TRIM17: variants seen among roughly 807,000 people sequenced by gnomAD.
The protein encoded by TRIM17 is tripartite motif containing 17.
TRIM17 carries 27 observed loss-of-function variants against 35.8 expected under a neutral mutation model. The ratio of observed to expected loss-of-function variants is 0.75; its 90% CI spans 0.56 to 1.04. The LOEUF (loss-of-function observed/expected upper bound fraction) is 1.04, where lower values mean the gene tolerates loss of function less well. Among genes scored for constraint, TRIM17 ranks in the 50% least tolerant of loss-of-function variants. TRIM17 has a pLI of 0.00. For missense variants in TRIM17, 582 were observed against 612.8 expected, an observed-to-expected ratio of 0.95 and a Z score of 0.53; for synonymous variants, 246 against 252.6, an observed-to-expected ratio of 0.97 and a Z score of 0.25.
rs750624865 is a variant in TRIM17 at position 228,415,016 on chromosome 1, A to C, written c.57T>G (p.Cys19Trp). 1 of 1,612,046 alleles carries C rather than the reference A, an allele frequency of 6.2e-7. No homozygotes were observed. Among genetic ancestry groups the C allele is most frequent in the Admixed American group, 1.7e-5 (1 of 60,020 alleles). Residue 19 changes from cysteine (C) to tryptophan (W), a missense_variant, in exon 2 of 7, where the codon TGT (cysteine) becomes TGG (tryptophan). Physicochemically the swap from Cys to Trp is radical, Grantham distance 215. Transcript: ENST00000366698. ...TCACAGGGTCTGTGAAGTAATCCAG[A>C]CAGATGGAGCACGTAGCTTCCTCCT... ...KLQEEATCSI[C>W]LDYFTDPVMT... is the part of the protein sequence containing the mutation.
rs1656978893 is a variant in TRIM17 at position 228,414,639 on chromosome 1, C to G, written c.429+5G>C. Reference sequence around the variant, plus strand: ...CCCCTTGACCTGGGCCCCGATGTGGCCTACCTTGTACCCCTGCACTGCCTC... The same window carrying G: ...CCCCTTGACCTGGGCCCCGATGTGGGCTACCTTGTACCCCTGCACTGCCTC... On this transcript the variant is annotated splice_donor_5th_base_variant and intron_variant, in intron 2 of 6. Coordinates refer to ENST00000366698, the MANE Select transcript of TRIM17 (RefSeq NM_016102.4). 6.2e-7 allele frequency: 1 copy of G among 1,609,940 alleles called. No homozygotes were observed. The highest frequency in any genetic ancestry group is 1.3e-5 in the African/African-American group (1 of 74,848).
chr1:228,408,363 G>A lies in TRIM17; in HGVS notation c.1272C>T (p.Phe424=), dbSNP rs148358732. 5.0e-6 allele frequency: 8 copies of A among 1,614,118 alleles called. No homozygotes were observed. Among genetic ancestry groups the A allele is most frequent in the East Asian group, 2.2e-5 (1 of 44,868 alleles). The change falls in exon 7 of 7, where the codon TTC becomes TTT. Residue 424 remains phenylalanine, a synonymous_variant. Transcript: ENST00000366698. This position sits in a 1 kb window ranked among gnomAD's most constrained non-coding sequence, Gnocchi z 6.3. ...TGTAGAAGGACACTTCCCCGGCTTCGAAGTCCAGGAAGATGCCCATGTGGC... is the reference window on the plus strand; with the variant it reads ...TGTAGAAGGACACTTCCCCGGCTTCAAAGTCCAGGAAGATGCCCATGTGGC... ...PPSHMGIFLD[F]EAGEVSFYSV... is the part of the protein sequence containing the mutation.
chr1:228,409,066 G>C, intron 6 of TRIM17, 106 bp downstream of exon 6: 1 of 1,613,396 alleles, frequency 6.2e-7, no homozygotes, highest in Non-Finnish European at 8.5e-7. Context: ...ACCAGGCAGT[G>C]CACTTGTAGA....
chr1:228,414,040 A>G, intron 2 of TRIM17, 148 bp from the exon 3 acceptor site: 1 of 659,120 alleles, frequency 1.5e-6, no homozygotes, highest in East Asian at 2.7e-5. Flanking sequence ...AGAATGTGCC[A>G]CCTTGGATTA....
rs986994727 is a variant in TRIM17 at position 228,416,549 on chromosome 1, G to A, written c.-52C>T. 7 of 985,650 alleles carry A rather than the reference G, an allele frequency of 7.1e-6. No individual in the cohort carries two copies. Among genetic ancestry groups the A allele is most frequent in the Admixed American group, 1.2e-4 (2 of 16,258 alleles). The allele number at this position is 985,650 out of a possible 1,614,324, so 61.1% of individuals were successfully genotyped here. A position where few individuals can be genotyped will look rare whatever the true frequency, so the allele number is the denominator to read the frequency against. On this transcript the variant is annotated 5_prime_UTR_variant, in exon 1 of 7. Transcript: ENST00000366698. Reference sequence around the variant, plus strand: ...GTGGGGGCTACTCACCGCGGGGAAGGGGGGCCCGCACAGCGCCTAGTGCAC... The same window carrying A: ...GTGGGGGCTACTCACCGCGGGGAAGAGGGGCCCGCACAGCGCCTAGTGCAC...
In TRIM17 at chr1:228,413,780, C is replaced by T. The variant is rs375632227; in HGVS notation, c.525+17G>A. 2 of 1,605,584 alleles carry T rather than the reference C, an allele frequency of 1.2e-6. No homozygotes were observed. Among genetic ancestry groups the T allele is most frequent in the Non-Finnish European group, 1.7e-6 (2 of 1,172,430 alleles). ...GAGCAGCAGCAGGAAAGGGACTGGA[C>T]AGCCCTGGGCACCCACCTGCCACTC... On this transcript the variant is annotated intron_variant, in intron 3 of 6. Transcript: ENST00000366698.
chr1:228,415,084 G>T lies in TRIM17; in HGVS notation c.-12C>A, dbSNP rs760488272. 3 of 1,593,278 alleles carry T rather than the reference G, an allele frequency of 1.9e-6. No individual in the cohort carries two copies. Among genetic ancestry groups the T allele is most frequent in the Non-Finnish European group, 1.7e-6 (2 of 1,166,802 alleles). On this transcript the variant is annotated 5_prime_UTR_variant, in exon 2 of 7. Coordinates refer to ENST00000366698, the MANE Select transcript of TRIM17 (RefSeq NM_016102.4). ...TCCACAGCCTCCATGGCTCCTGGGA[G>T]ACACGAGGCAGGTTCCCGCTTGAGG... is the stretch of plus-strand genomic sequence containing the variant.
Position 228,408,460 on chromosome 1 carries a change from T to C in TRIM17, c.1175A>G (p.Gln392Arg), listed in dbSNP as rs781390764. The change falls in exon 7 of 7, where the codon CAG becomes CGG. Residue 392 changes from glutamine (Q) to arginine (R), a missense_variant. Physicochemically the swap from Gln to Arg is conservative, Grantham distance 43. Coordinates refer to ENST00000366698, the MANE Select transcript of TRIM17 (RefSeq NM_016102.4). This position sits in a 1 kb window ranked among gnomAD's most constrained non-coding sequence, Gnocchi z 6.3. ...TAAGTACTTGGTCCCCTTGGACAGC[T>C]GCACCACCCAGAAGCCGTTTTCGGG... ...KCPENGFWVVQLSKGTKYLST... is the reference protein window; with the variant it reads ...KCPENGFWVVRLSKGTKYLST... The C allele has an allele frequency of 6.2e-7, 1 of 1,614,196 alleles. No homozygotes were observed. Among genetic ancestry groups the C allele is most frequent in the East Asian group, 2.2e-5 (1 of 44,886 alleles).
Position 228,408,716 on chromosome 1 carries a change from AGG to A in TRIM17, c.917_918del (p.Pro306LeufsTer6), listed in dbSNP as rs1363862214. The A allele has an allele frequency of 1.9e-6, 3 of 1,605,048 alleles. No homozygotes were observed. In the Admixed American group the frequency reaches 5.0e-5, roughly 27 times the overall value. On this transcript the variant is annotated frameshift_variant, in exon 7 of 7. Coordinates refer to ENST00000366698, the MANE Select transcript of TRIM17 (RefSeq NM_016102.4). LOFTEE classifies it low-confidence loss of function (END_TRUNC). The surrounding 1 kb of genome is among the most constrained non-coding windows in gnomAD (Gnocchi z 6.3). ...DVVPDATSAY[P>X]YLLLYESRQR... Reference sequence around the variant, plus strand: ...TGGCGGCTCTCATACAGGAGGAGGTAGGGGTACGCGGAGGTGGCATCAGGCAC... The same window carrying A: ...TGGCGGCTCTCATACAGGAGGAGGTAGGTACGCGGAGGTGGCATCAGGCAC...
At chr1:228,413,699 C>A in intron 3 of TRIM17, 98 bp downstream of exon 3, 2 of 973,302 alleles carry the variant, frequency 2.1e-6, no homozygotes, top group South Asian at 1.5e-5. Context: ...TCTTTTCCTG[C>A]CACTGCGGCA....
Position 228,416,784 on chromosome 1 carries a change from G to C in TRIM17, c.-287C>G, listed in dbSNP as rs959119785. 328 of 984,470 alleles carry C rather than the reference G, an allele frequency of 3.3e-4. No individual in the cohort carries two copies. The highest frequency in any genetic ancestry group is 3.7e-4 in the Non-Finnish European group (304 of 829,484). 61.0% of individuals were successfully genotyped at this position (984,470 alleles called of 1,614,324 possible). On this transcript the variant is annotated 5_prime_UTR_variant, in exon 1 of 7. Coordinates refer to ENST00000366698, the MANE Select transcript of TRIM17 (RefSeq NM_016102.4). The stretch of plus-strand genomic sequence containing the variant: ...GGGCGGCGCCTCTTAGGAGAGGTTG[G>C]GGGTGGCTTGGGGAAGGAAGGCGGC...
In TRIM17 at chr1:228,408,405, C is replaced by T. The variant is rs1295876411; in HGVS notation, c.1230G>A (p.Met410Ile). The T allele has an allele frequency of 1.2e-6, 2 of 1,614,090 alleles. No individual in the cohort carries two copies. The highest frequency in any genetic ancestry group is 8.5e-7 in the Non-Finnish European group (1 of 1,180,032). ...LSTFSALTPV[M>I]LMEPPSHMGI... is the part of the protein sequence containing the mutation. ...CCATGTGGCTGGGAGGCTCCATCAGCATGACCGGGGTTAGGGCAGAGAAGG... is the reference window on the plus strand; with the variant it reads ...CCATGTGGCTGGGAGGCTCCATCAGTATGACCGGGGTTAGGGCAGAGAAGG... The change falls in exon 7 of 7, where the codon ATG (methionine) becomes ATA (isoleucine). Residue 410 changes from methionine to isoleucine, a missense_variant. Met to Ile is a conservative substitution (Grantham distance 10). Coordinates refer to ENST00000366698, the MANE Select transcript of TRIM17 (RefSeq NM_016102.4). This position sits in a 1 kb window ranked among gnomAD's most constrained non-coding sequence, Gnocchi z 6.3.
chr1:228,415,041 T>C lies in TRIM17; in HGVS notation c.32A>G (p.Gln11Arg). Residue 11 changes from glutamine (Q) to arginine (R), a missense_variant, in exon 2 of 7, where the codon CAG (glutamine) becomes CGG (arginine). Gln to Arg is a conservative substitution (Grantham distance 43). Coordinates refer to ENST00000366698, the MANE Select transcript of TRIM17 (RefSeq NM_016102.4). ...ACAGATGGAGCACGTAGCTTCCTCC[T>C]GCAGTTTTCTGGCGAGTTCCACAGC... The part of the protein sequence containing the change: MEAVELARKL[Q>R]EEATCSICLD... The C allele has an allele frequency of 6.2e-7, 1 of 1,607,144 alleles. No individual in the cohort carries two copies. Among genetic ancestry groups the C allele is most frequent in the Non-Finnish European group, 8.5e-7 (1 of 1,175,188 alleles).
In TRIM17 at chr1:228,414,653, C is replaced by T. The variant is rs1656980374; in HGVS notation, c.420G>A (p.Gln140=). 6 of 1,611,460 alleles carry T rather than the reference C, an allele frequency of 3.7e-6. No individual in the cohort carries two copies. Among genetic ancestry groups the T allele is most frequent in the Non-Finnish European group, 5.1e-6 (6 of 1,179,948 alleles). The change falls in exon 2 of 7, where the codon CAG becomes CAA. Residue 140 remains glutamine (Q), a synonymous_variant. Transcript: ENST00000366698. ...HRVLPAEEAV[Q]GYKLKLEEDM... is the part of the protein sequence containing the mutation. ...CCCCGATGTGGCCTACCTTGTACCCCTGCACTGCCTCCTCGGCGGGCAGCA... is the reference window on the plus strand; with the variant it reads ...CCCCGATGTGGCCTACCTTGTACCCTTGCACTGCCTCCTCGGCGGGCAGCA...
chr1:228,411,065 C>T lies in TRIM17; in HGVS notation c.637G>A (p.Glu213Lys). ...CTCTCCCGGAGCCTGCTGGCAGTCT[C>T]CTCTTCTTCCGTCTCCAGAGCCTGG... is the stretch of plus-strand genomic sequence containing the variant. ...LLQALETEEE[E>K]TASRLRESVA... Residue 213 changes from glutamate to lysine, a missense_variant, in exon 4 of 7, where the codon GAG becomes AAG. By Grantham distance (56) the Glu-to-Lys change is moderately conservative. Transcript: ENST00000366698. The surrounding 1 kb of genome is among the most constrained non-coding windows in gnomAD (Gnocchi z 4.2). The T allele has an allele frequency of 6.2e-7, 1 of 1,613,954 alleles. No homozygotes were observed. Among genetic ancestry groups the T allele is most frequent in the Non-Finnish European group, 8.5e-7 (1 of 1,180,022 alleles).
At chr1:228,409,305 T>C (rs747443166) in intron 5 of TRIM17, 30 bp from the exon 6 acceptor site, 5 of 1,611,580 alleles carry the variant, frequency 3.1e-6, no homozygotes, top group East Asian at 2.2e-5. Context: ...GGGAGTCTTA[T>C]TGACTCCCCT....
Position 228,416,796 on chromosome 1 carries a change from G to T in TRIM17, c.-299C>A. 1 of 984,718 alleles carries T rather than the reference G, an allele frequency of 1.0e-6. No homozygotes were observed. The highest frequency in any genetic ancestry group is 1.2e-6 in the Non-Finnish European group (1 of 829,618). The allele number at this position is 984,718 out of a possible 1,614,324, so 61.0% of individuals were successfully genotyped here. On this transcript the variant is annotated 5_prime_UTR_variant, in exon 1 of 7. Coordinates refer to ENST00000366698, the MANE Select transcript of TRIM17 (RefSeq NM_016102.4). ...TTAGGAGAGGTTGGGGGTGGCTTGGGGAAGGAAGGCGGCAGGGGGTGGAAG... is the reference window on the plus strand; with the variant it reads ...TTAGGAGAGGTTGGGGGTGGCTTGGTGAAGGAAGGCGGCAGGGGGTGGAAG...
intron 4 of TRIM17, 152 bp from the exon 5 acceptor site, chr1:228,409,563 C>G: frequency 1.4e-6 from 1 of 706,694 alleles, no homozygotes. Context: ...CACTCCTGAG[C>G]CTTCCCCACT....
In TRIM17 at chr1:228,409,237, G is replaced by A; in HGVS notation, c.818C>T (p.Pro273Leu). The A allele has an allele frequency of 6.2e-7, 1 of 1,613,922 alleles. No individual in the cohort carries two copies. The highest frequency in any genetic ancestry group is 8.5e-7 in the Non-Finnish European group (1 of 1,179,958). ...GCACACAGTCCTGGGTCTGGTTGGG[G>A]GGGCAACCTCTGGGCACTGCACACT... ...NVSVQCPEVA[P>L]PTRPRTVCRV... The change falls in exon 6 of 7, where the codon CCC (proline) becomes CTC (leucine). Residue 273 changes from proline (P) to leucine (L), a missense_variant. Physicochemically the swap from Pro to Leu is moderately conservative, Grantham distance 98 (BLOSUM62 -3). Transcript: ENST00000366698.
Sources: allele counts gnomAD v4.1 joint callset, GRCh38; gene constraint gnomAD v4.1.1; non-coding constraint Gnocchi (gnomAD v3.1); transcripts MANE v1.5; gene names NCBI Gene and HGNC (gene_info 2026-07-23, HGNC 2026-07-21).